Variants in CMTM4 observed in about 807,000 individuals in gnomAD.
CMTM4 encodes the protein CKLF like MARVEL transmembrane domain containing 4.
CMTM4 carries 8 observed loss-of-function variants against 19.0 expected under a neutral mutation model. The observed-to-expected ratio is 0.42, with a 90% confidence interval of 0.25 to 0.76. The LOEUF (loss-of-function observed/expected upper bound fraction) is 0.76, where lower values mean the gene tolerates loss of function less well. CMTM4 is among the 30% of genes least tolerant of loss of function. The pLI, the probability that CMTM4 is intolerant of heterozygous loss-of-function variation, is 0.27. For missense variants in CMTM4, 228 were observed against 290.2 expected, an observed-to-expected ratio of 0.79 and a Z score of 1.56; for synonymous variants, 106 against 121.1, an observed-to-expected ratio of 0.88 and a Z score of 0.82.
intron 1 of CMTM4, among the ~76,000 whole-genome samples, chr16:66,646,521 GATAGGTTT>G (rs2016203826): frequency 6.6e-6 from 1 of 151,928 alleles, no homozygotes; most frequent in South Asian, 2.1e-4. Context: ...TAGAAATGTG[GATAGGTTT>G]ATTTTCATTG....
the CMTM4 span, among the ~76,000 whole-genome samples, chr16:66,603,564 G>A: frequency 6.6e-6 from 1 of 152,300 alleles, no homozygotes; most frequent in South Asian, 2.1e-4. Flanking sequence ...TGGGATTACA[G>A]GCATGAGCCA....
the CMTM4 span, chr16:66,608,175 C>T: frequency 2.7e-5 from 25 of 921,274 alleles, 1 homozygote; most frequent in Non-Finnish European, 3.4e-6. The surrounding 1 kb of genome is among the most constrained non-coding windows in gnomAD (Gnocchi z 5.1). Flanking sequence ...TGCCACTTCC[C>T]AGCTGCGGGA....
the CMTM4 span, among the ~76,000 whole-genome samples, chr16:66,608,919 A>G: frequency 6.6e-6 from 1 of 152,114 alleles, no homozygotes; most frequent in African/African-American, 2.4e-5. This position sits in a 1 kb window ranked among gnomAD's most constrained non-coding sequence, Gnocchi z 5.1. Context: ...TGTGTCCTAG[A>G]GAAAGGGCAG....
the CMTM4 span, among the ~76,000 whole-genome samples, chr16:66,605,760 G>A: frequency 1.3e-5 from 2 of 152,228 alleles, no homozygotes; most frequent in Non-Finnish European, 2.9e-5. This position sits in a 1 kb window ranked among gnomAD's most constrained non-coding sequence, Gnocchi z 4.6. Flanking sequence ...TGGCTCAACT[G>A]AGGGGCCCAG....
Position 66,621,921 on chromosome 16 carries a change from A to G in CMTM4, c.*137T>C. 1 of 1,443,540 alleles carries G rather than the reference A, an allele frequency of 6.9e-7. No individual in the cohort carries two copies. Among genetic ancestry groups the G allele is most frequent in the Non-Finnish European group, 9.1e-7 (1 of 1,099,016 alleles). The allele number at this position is 1,443,540 out of a possible 1,614,324, so 89.4% of individuals were successfully genotyped here. On this transcript the variant is annotated 3_prime_UTR_variant, in exon 4 of 4. Coordinates refer to ENST00000394106, the MANE Select transcript of CMTM4 (RefSeq NM_181521.3). ...ACCCGCCCACTGGGCCACTCGGGAA[A>G]CCCTTTCCCAAAATGAACTTTTACC...
intron 2 of CMTM4, among the ~76,000 whole-genome samples, chr16:66,633,149 A>ATATATATATAAATATAT: frequency 6.8e-6 from 1 of 146,322 alleles, no homozygotes; most frequent in African/African-American, 2.6e-5. Context: ...ATATATATCA[A>ATATATATATAAATATAT]AGTCCCACAA....
chr16:66,633,130 T>TAA (rs2015914882), intron 2 of CMTM4, among the ~76,000 whole-genome samples: 6 of 142,970 alleles, frequency 4.2e-5, no homozygotes, highest in African/African-American at 1.6e-4. Flanking sequence ...TATATATATA[T>TAA]AAATATATAT....
At chr16:66,614,492 C>T (rs1257724903), downstream of CMTM4, among the ~76,000 whole-genome samples, 1 of 152,230 alleles carries the variant, frequency 6.6e-6, no homozygotes, top group Non-Finnish European at 1.5e-5. This position sits in a 1 kb window ranked among gnomAD's most constrained non-coding sequence, Gnocchi z 4.9. Flanking sequence ...CAAGACATTC[C>T]ACCCAAACTG....
At position 66,619,594 on chromosome 16, in the gene CMTM4, G is replaced by A. The variant is rs190731641; in HGVS notation, c.*2464C>T. 4.6e-5 allele frequency: 45 copies of A among 985,168 alleles called. No homozygotes were observed. In the Admixed American group the frequency reaches 1.2e-3, roughly 26 times the overall value. The allele number at this position is 985,168 out of a possible 1,614,324, so 61.0% of individuals were successfully genotyped here. Reference sequence around the variant, plus strand: ...GATTGTCTTCTGTTTGCATATAGAGGCAATATAAGAAAAATATAGGCGTCT... The same window carrying A: ...GATTGTCTTCTGTTTGCATATAGAGACAATATAAGAAAAATATAGGCGTCT... On this transcript the variant is annotated 3_prime_UTR_variant, in exon 4 of 4. Transcript: ENST00000394106.
Position 66,621,829 on chromosome 16 carries a change from G to A in CMTM4, c.*229C>T, listed in dbSNP as rs1037990873. ...GCAGGTAAGACCTCAAGTGGACCTG[G>A]GCAGTGACGCCGGCTGCTCCACAGC... On this transcript the variant is annotated 3_prime_UTR_variant, in exon 4 of 4. Coordinates refer to ENST00000394106, the MANE Select transcript of CMTM4 (RefSeq NM_181521.3). 7 of 1,378,042 alleles carry A rather than the reference G, an allele frequency of 5.1e-6. No individual in the cohort carries two copies. The Middle Eastern group carries it at 8.2e-4, about 161-fold the overall frequency. The allele number at this position is 1,378,042 out of a possible 1,614,324, so 85.4% of individuals were successfully genotyped here. A position where few individuals can be genotyped will look rare whatever the true frequency, so the allele number is the denominator to read the frequency against.
chr16:66,622,005 C>T lies in CMTM4; in HGVS notation c.*53G>A, dbSNP rs1231385409. ...ATCTGACAGGACAAGGGAAAGAAAA[C>T]TTGACTGAGAGACAGGCACGAGGAC... On this transcript the variant is annotated 3_prime_UTR_variant, in exon 4 of 4. Transcript: ENST00000394106. This position sits in a 1 kb window ranked among gnomAD's most constrained non-coding sequence, Gnocchi z 4.0. 9 of 1,522,634 alleles carry T rather than the reference C, an allele frequency of 5.9e-6. No individual in the cohort carries two copies. The highest frequency in any genetic ancestry group is 1.4e-5 in the African/African-American group (1 of 72,228). The allele number at this position is 1,522,634 out of a possible 1,614,324, so 94.3% of individuals were successfully genotyped here. A position where few individuals can be genotyped will look rare whatever the true frequency, so the allele number is the denominator to read the frequency against.
chr16:66,621,253 T>C lies in CMTM4; in HGVS notation c.*805A>G. ...GCAAATGGGCAAGTGCTTTGGCTGG[T>C]GGAGTAGGCTTGTTTCTTTCATGGC... On this transcript the variant is annotated 3_prime_UTR_variant, in exon 4 of 4. Transcript: ENST00000394106. 1.0e-6 allele frequency: 1 copy of C among 985,532 alleles called. No individual in the cohort carries two copies. The highest frequency in any genetic ancestry group is 1.2e-6 in the Non-Finnish European group (1 of 829,938). 61.0% of individuals were successfully genotyped at this position (985,532 alleles called of 1,614,324 possible).
chr16:66,604,710 G>A, the CMTM4 span: 8 of 996,398 alleles, frequency 8.0e-6, no homozygotes, highest in South Asian at 3.4e-4. Flanking sequence ...AGCCAGTGTC[G>A]CCTGCCCTCC....
the CMTM4 span, among the ~76,000 whole-genome samples, chr16:66,598,813 T>C: frequency 6.6e-6 from 1 of 152,148 alleles, no homozygotes; most frequent in Non-Finnish European, 1.5e-5. Context: ...CCTTCACCTG[T>C]TGATGGCCAT....
chr16:66,667,677 C>A (rs974623012), intron 1 of CMTM4, among the ~76,000 whole-genome samples: 5 of 152,182 alleles, frequency 3.3e-5, no homozygotes, highest in African/African-American at 1.2e-4. Flanking sequence ...ATCACGAGGT[C>A]AGAAGCTCAA....
rs530353702 is a variant in CMTM4, at chr16:66,632,704, A to G, written c.363+3701T>C. On this transcript the variant is annotated intron_variant, in intron 2 of 3. Transcript: ENST00000394106. ...AGATAGCGCCACATCCCAGAAGGGA[A>G]GGGGAGGAAAGGAGGAGCCCCGTGG... Among the ~76,000 whole-genome samples the G allele has an allele frequency of 4.5e-3, 685 of 152,190 alleles. 1 individual carries two copies. Among genetic ancestry groups the G allele is most frequent in the Non-Finnish European group, 8.3e-3 (566 of 68,002 alleles).
chr16:66,609,699 T>C, the CMTM4 span: 8 of 1,547,034 alleles, frequency 5.2e-6, no homozygotes, highest in South Asian at 9.4e-5. This position sits in a 1 kb window ranked among gnomAD's most constrained non-coding sequence, Gnocchi z 4.4. Context: ...ACCCGGGGTT[T>C]TGAAAGGCTG....
chr16:66,634,644 C>T (rs1242198573), intron 2 of CMTM4, among the ~76,000 whole-genome samples: 2 of 151,994 alleles, frequency 1.3e-5, no homozygotes, highest in Admixed American at 6.6e-5. Flanking sequence ...ATAACAGCAG[C>T]GTGCCAGGAC....
intron 2 of CMTM4, among the ~76,000 whole-genome samples, chr16:66,629,485 G>A (rs1311060627): frequency 6.6e-6 from 1 of 152,134 alleles, no homozygotes; most frequent in African/African-American, 2.4e-5. Flanking sequence ...TCATGGATGA[G>A]GAAACTGGGT....
Sources: gnomAD v4.1 joint callset for allele counts (sites outside exome capture counted in the v4.1 genomes callset) on GRCh38, gnomAD v4.1.1 for gene constraint, Gnocchi (gnomAD v3.1) non-coding constraint, MANE v1.5 for transcripts, NCBI Gene and HGNC (gene_info 2026-07-23, HGNC 2026-07-21) for gene names.